Variants in GMDS observed in about 807,000 individuals in gnomAD.
The protein encoded by GMDS is GDP-mannose 4,6-dehydratase, also known as GDP-mannose 4,6 dehydratase.
A neutral mutation model predicts 49.9 loss-of-function variants in GMDS; 20 were observed. That is an observed-to-expected ratio of 0.40 (90% confidence interval 0.28 to 0.58). The LOEUF (loss-of-function observed/expected upper bound fraction) is 0.58, where lower values mean the gene tolerates loss of function less well. Ranked by LOEUF, GMDS falls within the 20% of genes least tolerant of loss-of-function variation. GMDS has a pLI of 0.42. For missense variants in GMDS, 362 were observed against 481.4 expected, an observed-to-expected ratio of 0.75 and a Z score of 2.32; for synonymous variants, 177 against 178.6, an observed-to-expected ratio of 0.99 and a Z score of 0.07.
At chr6:2,182,440 T>C (rs1385221171) in intron 1 of GMDS, among the ~76,000 whole-genome samples, 2 of 152,246 alleles carry the variant, frequency 1.3e-5, no homozygotes, top group African/African-American at 4.8e-5. Flanking sequence ...GAAGACGTCA[T>C]CTGGGACTTT....
At chr6:2,242,628 T>A (rs1027023508) in intron 1 of GMDS, among the ~76,000 whole-genome samples, 1 of 152,204 alleles carries the variant, frequency 6.6e-6, no homozygotes, top group Non-Finnish European at 1.5e-5. Flanking sequence ...TAAGACTATT[T>A]ATTTCTCTCT....
chr6:1,641,093 T>C (rs907593052), intron 9 of GMDS, among the ~76,000 whole-genome samples: 3 of 152,230 alleles, frequency 2.0e-5, no homozygotes, highest in Non-Finnish European at 4.4e-5. Flanking sequence ...ATTAGACCCT[T>C]TGCCTGCAGA....
chr6:1,893,193 CTTTT>C (rs1197199049), intron 7 of GMDS, among the ~76,000 whole-genome samples: 1 of 127,488 alleles, frequency 7.8e-6, no homozygotes, highest in Non-Finnish European at 1.6e-5. Flanking sequence ...TTTTTGTTTT[CTTTT>C]TTTTTTTTTT....
chr6:1,863,323 A>G (rs1758282395), intron 7 of GMDS, among the ~76,000 whole-genome samples: 1 of 152,200 alleles, frequency 6.6e-6, no homozygotes, highest in Non-Finnish European at 1.5e-5. Context: ...ATTTCACTTC[A>G]GAGGGTATAT....
At chr6:1,856,452 AC>A (rs1757941176) in intron 7 of GMDS, among the ~76,000 whole-genome samples, 1 of 152,086 alleles carries the variant, frequency 6.6e-6, no homozygotes, top group Non-Finnish European at 1.5e-5. Context: ...GGAGTGCCAA[AC>A]TCTACCACTG....
At chr6:1,746,689 T>TTTTATTTA (rs138136400) in intron 7 of GMDS, among the ~76,000 whole-genome samples, 2 of 150,458 alleles carry the variant, frequency 1.3e-5, no homozygotes, top group South Asian at 2.1e-4. Context: ...AAAACTTTAG[T>TTTTATTTA]TTTATTTATT....
At chr6:1,762,531 C>T (rs1768200953) in intron 7 of GMDS, among the ~76,000 whole-genome samples, 1 of 152,236 alleles carries the variant, frequency 6.6e-6, no homozygotes, top group African/African-American at 2.4e-5. Context: ...AAATAACCAC[C>T]ACAATGTACT....
chr6:2,026,082 G>A (rs1162453660), intron 4 of GMDS, among the ~76,000 whole-genome samples: 1 of 152,044 alleles, frequency 6.6e-6, no homozygotes, highest in African/African-American at 2.4e-5. Flanking sequence ...TTTAATGTAA[G>A]AGGTTTAACT....
intron 1 of GMDS, among the ~76,000 whole-genome samples, chr6:2,216,556 C>T (rs1780343958): frequency 6.6e-6 from 1 of 152,174 alleles, no homozygotes; most frequent in Admixed American, 6.5e-5. Flanking sequence ...GGGAAAGAGC[C>T]TGACTTCAGT....
In GMDS at chr6:1,944,397, C is replaced by T. The variant is rs566953430; in HGVS notation, c.644-14167G>A. On this transcript the variant is annotated intron_variant, in intron 6 of 10. Coordinates refer to ENST00000380815, the MANE Select transcript of GMDS (RefSeq NM_001500.4). ...GCGGGCGCCTGTAGTCCCAGCTGCT[C>T]GGGAGGCTGAGGCAGGAGAATGGCG... 6.6e-5 allele frequency among the ~76,000 whole-genome samples: 10 copies of T among 152,042 alleles called. No individual in the cohort carries two copies. In the South Asian group the frequency reaches 2.1e-3, roughly 32 times the overall value.
intron 4 of GMDS, among the ~76,000 whole-genome samples, chr6:2,024,903 ATCT>A (rs1034809038): frequency 6.6e-6 from 1 of 151,996 alleles, no homozygotes; most frequent in Admixed American, 6.5e-5. Flanking sequence ...AGAAAAAGAA[ATCT>A]CAGGCAACTA....
intron 9 of GMDS, 112 bp from the exon 10 acceptor site, chr6:1,624,652 C>T: frequency 4.1e-6 from 3 of 722,958 alleles, no homozygotes; most frequent in Admixed American, 2.6e-5. Context: ...CACAAGGCTC[C>T]GGGTTTCCCT....
In GMDS at chr6:2,145,538, A is replaced by AAAAT. The variant is rs36139025; in HGVS notation, c.103-20811_103-20808dup. On this transcript the variant is annotated intron_variant, in intron 1 of 10. Coordinates refer to ENST00000380815, the MANE Select transcript of GMDS (RefSeq NM_001500.4). ...GGGCGACAGAGTGAGACTCTGTCTCAAAATAAATAAATAAATAAATAAATA... is the reference window on the plus strand; with the variant it reads ...GGGCGACAGAGTGAGACTCTGTCTCAAAATAAATAAATAAATAAATAAATAAATA... Among the ~76,000 whole-genome samples, 1,261 of 148,452 alleles carry AAAAT rather than the reference A, an allele frequency of 8.5e-3. 3 individuals carry two copies. Among genetic ancestry groups the AAAAT allele is most frequent in the Non-Finnish European group, 0.012 (836 of 67,082 alleles).
At chr6:2,235,844 A>C (rs909595392) in intron 1 of GMDS, among the ~76,000 whole-genome samples, 1 of 151,696 alleles carries the variant, frequency 6.6e-6, no homozygotes, top group African/African-American at 2.4e-5. Context: ...AAAAAAAAAA[A>C]GAGGAAAACT....
intron 8 of GMDS, among the ~76,000 whole-genome samples, chr6:1,730,270 G>C (rs1446349447): frequency 1.3e-5 from 2 of 152,102 alleles, no homozygotes. Flanking sequence ...TTTCAAAAAA[G>C]GAATAAACTC....
intron 4 of GMDS, among the ~76,000 whole-genome samples, chr6:2,093,667 A>C (rs1261307434): frequency 2.0e-5 from 3 of 152,182 alleles, no homozygotes; most frequent in East Asian, 3.8e-4. Flanking sequence ...TGCTTATTGC[A>C]AAAAGAAGAT....
chr6:1,776,126 C>A lies in GMDS; in HGVS notation c.772-33540G>T, dbSNP rs7760204. Among the ~76,000 whole-genome samples the A allele has an allele frequency of 2.8e-4, 43 of 151,606 alleles. 1 individual carries two copies. Among genetic ancestry groups the A allele is most frequent in the South Asian group, 4.2e-4 (2 of 4,808 alleles). On this transcript the variant is annotated intron_variant, in intron 7 of 10. Coordinates refer to ENST00000380815, the MANE Select transcript of GMDS (RefSeq NM_001500.4). Reference sequence around the variant, plus strand: ...ATCAACCTCCAACGAAAGCCGTGACCGTTCAGAATCCGGAGTTGACTATAC... The same window carrying A: ...ATCAACCTCCAACGAAAGCCGTGACAGTTCAGAATCCGGAGTTGACTATAC...
Position 2,140,203 on chromosome 6 carries a change from T to C in GMDS, c.103-15472A>G, listed in dbSNP as rs142528437. Among the ~76,000 whole-genome samples the C allele has an allele frequency of 5.7e-3, 866 of 152,140 alleles. 2 individuals carry two copies. Among genetic ancestry groups the C allele is most frequent in the Middle Eastern group, 0.017 (5 of 294 alleles). ...GGATTATCTGGGTGAACTCTGAGCA[T>C]AATCGCGAGAGTCCTTATAAGAAAC... On this transcript the variant is annotated intron_variant, in intron 1 of 10. Transcript: ENST00000380815.
Position 2,153,699 on chromosome 6 carries a change from A to G in GMDS, c.103-28968T>C, listed in dbSNP as rs184937005. ...AAAGTTATCTAAACCCCACTGTGATAAGGTGTTTTCATATGCTATTGGTAG... is the reference window on the plus strand; with the variant it reads ...AAAGTTATCTAAACCCCACTGTGATGAGGTGTTTTCATATGCTATTGGTAG... On this transcript the variant is annotated intron_variant, in intron 1 of 10. Coordinates refer to ENST00000380815, the MANE Select transcript of GMDS (RefSeq NM_001500.4). Among the ~76,000 whole-genome samples the G allele has an allele frequency of 1.3e-3, 192 of 152,322 alleles. 1 individual carries two copies. In the Middle Eastern group the frequency reaches 0.017, roughly 13 times the overall value.
Sources: gnomAD v4.1 joint callset for allele counts (sites outside exome capture counted in the v4.1 genomes callset) on GRCh38, gnomAD v4.1.1 for gene constraint, MANE v1.5 for transcripts, NCBI Gene and HGNC (gene_info 2026-07-23, HGNC 2026-07-21) for gene names.